The following SCLT1 variants were observed in gnomAD, a reference collection of about 807,000 sequenced individuals.
SCLT1 encodes the protein sodium channel and clathrin linker 1, also known as sodium channel-associated protein 1.
In SCLT1, 78 loss-of-function variants were observed where a neutral mutation model predicts 112.8. The observed-to-expected ratio is 0.69, with a 90% CI of 0.58 to 0.83. SCLT1 has a LOEUF of 0.83. SCLT1 is among the 40% of genes least tolerant of loss of function. The pLI is 0.00. For missense variants in SCLT1, 747 were observed against 770.4 expected (o/e 0.97, Z 0.36); for synonymous variants, 257 against 254.7 (o/e 1.01, Z -0.09).
At chr4:128,937,983 CTA>C (rs1737358241) in intron 17 of SCLT1, among the ~76,000 whole-genome samples, 2 of 152,208 alleles carry the variant, frequency 1.3e-5, no homozygotes, top group South Asian at 4.1e-4. Flanking sequence ...CAATATTTTT[CTA>C]TGTTTTGTGG....
intron 9 of SCLT1, among the ~76,000 whole-genome samples, chr4:128,989,217 CAT>C (rs1286369864): frequency 6.6e-6 from 1 of 151,802 alleles, no homozygotes; most frequent in Non-Finnish European, 1.5e-5. Flanking sequence ...AAGGACAGAA[CAT>C]ATATTAGGCC....
At chr4:128,917,216 G>GTAAAC (rs1308192528) in intron 18 of SCLT1, among the ~76,000 whole-genome samples, 2 of 152,042 alleles carry the variant, frequency 1.3e-5, no homozygotes, top group Admixed American at 6.6e-5. Flanking sequence ...GGTGTGCTGT[G>GTAAAC]TTTGTCCAGG....
At chr4:129,090,661 T>C (rs1314299697) in intron 1 of SCLT1, among the ~76,000 whole-genome samples, 2 of 151,946 alleles carry the variant, frequency 1.3e-5, no homozygotes, top group African/African-American at 4.8e-5. Context: ...AAAGAAAAAA[T>C]AAGTCCATCA....
At chr4:129,024,205 C>T (rs556044520) in intron 5 of SCLT1, among the ~76,000 whole-genome samples, 42 of 152,314 alleles carry the variant, frequency 2.8e-4, no homozygotes, top group African/African-American at 8.2e-4. Flanking sequence ...CCCAGCACAC[C>T]GCTGGAGATC....
chr4:129,060,474 T>A (rs2125730868), intron 2 of SCLT1, among the ~76,000 whole-genome samples: 1 of 152,286 alleles, frequency 6.6e-6, no homozygotes, highest in East Asian at 1.9e-4. Context: ...TAGAATAGTT[T>A]TCATAGAGAA....
intron 6 of SCLT1, among the ~76,000 whole-genome samples, chr4:129,001,118 G>A (rs1181077004): frequency 1.3e-5 from 2 of 151,942 alleles, no homozygotes; most frequent in African/African-American, 4.8e-5. Flanking sequence ...TTTCTTTTCA[G>A]TAAAATGGTC....
intron 4 of SCLT1, among the ~76,000 whole-genome samples, chr4:128,876,276 G>T (rs1209476844): frequency 6.6e-6 from 1 of 152,120 alleles, no homozygotes; most frequent in African/African-American, 2.4e-5. Flanking sequence ...TCTCCTTAGT[G>T]ACTATTTACT....
intron 2 of SCLT1, among the ~76,000 whole-genome samples, chr4:129,070,629 G>A (rs1357239212): frequency 1.3e-5 from 2 of 151,996 alleles, no homozygotes. Context: ...TCTTAGTGAG[G>A]TTATTGGATT....
chr4:129,087,127 G>A (rs1752464064), intron 1 of SCLT1, among the ~76,000 whole-genome samples: 1 of 152,156 alleles, frequency 6.6e-6, no homozygotes, highest in South Asian at 2.1e-4. Flanking sequence ...TTAAGAGGTG[G>A]AGCTGAGAAG....
chr4:128,937,464 C>A (rs994166814), intron 17 of SCLT1, among the ~76,000 whole-genome samples: 2 of 152,132 alleles, frequency 1.3e-5, no homozygotes, highest in African/African-American at 4.8e-5. Flanking sequence ...CATAACACTT[C>A]TCTCTTTATT....
intron 4 of SCLT1, chr4:129,040,137 T>G (rs1043079800): frequency 1.1e-5 from 8 of 702,370 alleles, no homozygotes; most frequent in Non-Finnish European, 2.1e-5. Context: ...GGAAGCTTGG[T>G]CTAGGAGATC....
At chr4:128,934,147 A>C (rs957143509) in intron 18 of SCLT1, among the ~76,000 whole-genome samples, 3 of 151,976 alleles carry the variant, frequency 2.0e-5, no homozygotes, top group Non-Finnish European at 4.4e-5. Flanking sequence ...CTACAAAACA[A>C]GGTTCATTCA....
rs182669258 is a variant in SCLT1 at position 128,995,527 on chromosome 4, G to A, written c.615+2347C>T. Among the ~76,000 whole-genome samples, 874 of 152,060 alleles carry A rather than the reference G, an allele frequency of 5.7e-3. 7 individuals are homozygous for A. The highest frequency in any genetic ancestry group is 0.034 in the Middle Eastern group (10 of 294). On this transcript the variant is annotated intron_variant, in intron 8 of 20. Coordinates refer to ENST00000281142, the MANE Select transcript of SCLT1 (RefSeq NM_144643.4). The stretch of plus-strand genomic sequence containing the variant: ...TTTCCTTGACTTTGTGCTCACGTCC[G>A]TACATTAGAGAAAGCAGGCACCTCT...
intron 12 of SCLT1, 21 bp downstream of exon 12, chr4:128,959,579 C>T: frequency 6.3e-7 from 1 of 1,579,164 alleles, no homozygotes. Context: ...TATATCTAAA[C>T]ATATTTACTA....
chr4:129,006,644 T>A (rs1167771989), intron 5 of SCLT1, among the ~76,000 whole-genome samples: 11 of 152,154 alleles, frequency 7.2e-5, no homozygotes, highest in Non-Finnish European at 1.6e-4. Context: ...ATTTTTTTAA[T>A]CTTACACTTC....
At chr4:128,947,903 A>C (rs4975287) in intron 15 of SCLT1, among the ~76,000 whole-genome samples, 112,753 of 152,004 alleles carry the variant, frequency 0.74, 42,990 homozygotes, top group African/African-American at 0.93. Flanking sequence ...TAAGAGCTAA[A>C]ATAAAACTCA....
At chr4:128,969,120 G>A (rs535756760) in intron 10 of SCLT1, among the ~76,000 whole-genome samples, 1 of 152,028 alleles carries the variant, frequency 6.6e-6, no homozygotes, top group South Asian at 2.1e-4. Context: ...ATTTCTCTTA[G>A]GTCTCTGCCT....
rs554575341 is a variant in SCLT1, at chr4:128,929,471, A to G, written c.1829+7184T>C. ...AACTTGACATACAATTCTAATATGA[A>G]TACAGAAATGCCAAGAACCAAGAAT... On this transcript the variant is annotated intron_variant, in intron 18 of 20. Transcript: ENST00000281142. Among the ~76,000 whole-genome samples, 16 of 152,356 alleles carry G rather than the reference A, an allele frequency of 1.1e-4. No individual in the cohort carries two copies. The South Asian group carries it at 3.3e-3, about 32-fold the overall frequency.
At chr4:129,048,388 C>A (rs908202205) in intron 2 of SCLT1, among the ~76,000 whole-genome samples, 3 of 151,604 alleles carry the variant, frequency 2.0e-5, no homozygotes, top group African/African-American at 7.3e-5. Context: ...AAAGGATTCC[C>A]TATTTAATAA....
Sources: allele counts gnomAD v4.1 joint callset (sites outside exome capture counted in the v4.1 genomes callset), GRCh38; gene constraint gnomAD v4.1.1; transcripts MANE v1.5; gene names NCBI Gene and HGNC (gene_info 2026-07-23, HGNC 2026-07-21).